The following CES5A variants were observed in gnomAD, a reference collection of about 807,000 sequenced individuals.
The protein encoded by CES5A is carboxylesterase 5.
A neutral mutation model predicts 62.9 loss-of-function variants in CES5A; 67 were observed. The ratio of observed to expected loss-of-function variants is 1.07; its 90% CI spans 0.88 to 1.31. The LOEUF is 1.31. Ranked by LOEUF, CES5A falls within the 50% of genes most tolerant of loss-of-function variation. The probability of loss-of-function intolerance (pLI) is 0.00; values close to 1 mark genes in which losing one functional copy is unlikely to be tolerated. For missense variants in CES5A, 748 were observed against 708.5 expected (o/e 1.06, Z -0.63); for synonymous variants, 296 against 280.8 (o/e 1.05, Z -0.54).
At position 55,950,449 on chromosome 16, in the gene CES5A, A is replaced by C. The variant is rs568928534; in HGVS notation, c.43-547T>G. 2.0e-5 allele frequency among the ~76,000 whole-genome samples: 3 copies of C among 152,344 alleles called. No homozygotes were observed. In the South Asian group the frequency reaches 6.2e-4, roughly 32 times the overall value. ...TCAGATGAAGGTCTTGGAAATTACA[A>C]ACTTGAGTACTGAAATTTTAAAAAA... On this transcript the variant is annotated intron_variant, in intron 1 of 13. Coordinates refer to the CES5A transcript ENST00000521992.
At chr16:55,919,048 A>C (rs2034175256) in intron 1 of CES5A, among the ~76,000 whole-genome samples, 1 of 151,802 alleles carries the variant, frequency 6.6e-6, no homozygotes, top group Non-Finnish European at 1.5e-5. Context: ...ATCCTACAGG[A>C]CCCCCTATCT....
chr16:55,853,059 A>G, intron 9 of CES5A, 31 bp from the exon 10 acceptor site: 5 of 1,611,668 alleles, frequency 3.1e-6, no homozygotes, highest in Non-Finnish European at 4.2e-6. Flanking sequence ...TAGGAGATCC[A>G]GGTCAACCAC....
chr16:55,903,573 A>T (rs2034011498), intron 1 of CES5A, among the ~76,000 whole-genome samples: 2 of 152,174 alleles, frequency 1.3e-5, no homozygotes, highest in Non-Finnish European at 2.9e-5. Context: ...ATCCACAGGG[A>T]TATAATGGCA....
intron 1 of CES5A, among the ~76,000 whole-genome samples, chr16:55,922,404 G>T (rs1171266926): frequency 2.6e-5 from 4 of 151,780 alleles, no homozygotes; most frequent in African/African-American, 9.7e-5. Context: ...ATACTTATAT[G>T]AGAAAAAATA....
At chr16:55,926,984 T>G (rs1275389742), upstream of CES5A, among the ~76,000 whole-genome samples, 1 of 152,194 alleles carries the variant, frequency 6.6e-6, no homozygotes, top group Non-Finnish European at 1.5e-5. Context: ...TGCTTCAGGA[T>G]CTTGATCTCA....
chr16:55,889,042 A>C (rs572007642), intron 1 of CES5A, among the ~76,000 whole-genome samples: 1 of 152,280 alleles, frequency 6.6e-6, no homozygotes, highest in South Asian at 2.1e-4. Flanking sequence ...TTTACTCAAA[A>C]GTAGCCTAGA....
chr16:55,865,288 T>A (rs1372789064), intron 5 of CES5A, among the ~76,000 whole-genome samples: 3 of 152,188 alleles, frequency 2.0e-5, no homozygotes, highest in Non-Finnish European at 4.4e-5. Context: ...TAGATATAGA[T>A]ATAGATATAT....
upstream of CES5A, among the ~76,000 whole-genome samples, chr16:55,875,549 C>A (rs566310692): frequency 1.7e-4 from 26 of 152,274 alleles, no homozygotes; most frequent in Admixed American, 8.5e-4. Context: ...GTTCTAGAGA[C>A]CCAAGGATGA....
At chr16:55,927,504 G>T (rs964829992), upstream of CES5A, among the ~76,000 whole-genome samples, 4 of 152,276 alleles carry the variant, frequency 2.6e-5, no homozygotes, top group Admixed American at 1.3e-4. Flanking sequence ...GCCAACAATA[G>T]TATGAAAACA....
At chr16:55,895,774 C>T (rs2033926069) in intron 1 of CES5A, among the ~76,000 whole-genome samples, 1 of 152,152 alleles carries the variant, frequency 6.6e-6, no homozygotes, top group Non-Finnish European at 1.5e-5. Context: ...AAGTGGAATG[C>T]TATGGTTTGG....
rs932700789 is a variant in CES5A at position 55,934,688 on chromosome 16, A to G, written c.160+15097T>C. 6.6e-5 allele frequency among the ~76,000 whole-genome samples: 10 copies of G among 151,614 alleles called. No homozygotes were observed. In the East Asian group the frequency reaches 1.5e-3, roughly 23 times the overall value. On this transcript the variant is annotated intron_variant, in intron 2 of 13. Coordinates refer to the CES5A transcript ENST00000521992. ...TGTGTGTGTGTGTGTGCGCGTGTGC[A>G]TGTGCACATGCATGCATGTGTGTCA...
chr16:55,905,176 C>A (rs77799319), intron 1 of CES5A, among the ~76,000 whole-genome samples: 2,170 of 152,204 alleles, frequency 0.014, 29 homozygotes, highest in Non-Finnish European at 0.022. Flanking sequence ...GCAGCAAAGT[C>A]CTGCCCTCCC....
chr16:55,860,650 A>C (rs112945098), intron 7 of CES5A, among the ~76,000 whole-genome samples: 75 of 152,316 alleles, frequency 4.9e-4, no homozygotes, highest in Middle Eastern at 6.8e-3. Flanking sequence ...TTTGGGTCTC[A>C]GAAAGCAACA....
chr16:55,898,240 C>A (rs1384830391), intron 1 of CES5A, among the ~76,000 whole-genome samples: 1 of 152,136 alleles, frequency 6.6e-6, no homozygotes, highest in Admixed American at 6.5e-5. Flanking sequence ...GTGGGTAATT[C>A]TCTAGTTCAT....
intron 2 of CES5A, among the ~76,000 whole-genome samples, chr16:55,934,062 C>A (rs1303251008): frequency 3.9e-5 from 6 of 152,150 alleles, no homozygotes; most frequent in Non-Finnish European, 8.8e-5. Flanking sequence ...ATCTCCTTCT[C>A]AATACTTTGC....
intron 5 of CES5A, 21 bp downstream of exon 5, chr16:55,865,942 A>G (rs2033447980): frequency 6.2e-7 from 1 of 1,613,828 alleles, no homozygotes; most frequent in Admixed American, 1.7e-5. Context: ...ATTCATTCAA[A>G]CCACAAAGCA....
At chr16:55,938,136 G>T (rs1459219805) in intron 2 of CES5A, among the ~76,000 whole-genome samples, 1 of 152,128 alleles carries the variant, frequency 6.6e-6, no homozygotes, top group African/African-American at 2.4e-5. Flanking sequence ...GGGAAAGAAG[G>T]GATGAACCAT....
chr16:55,866,668 A>G (rs2142404491), intron 4 of CES5A, among the ~76,000 whole-genome samples: 1 of 139,960 alleles, frequency 7.1e-6, no homozygotes, highest in African/African-American at 2.7e-5. Context: ...TAAAAAAAAA[A>G]AAAAAAAAAA....
chr16:55,887,318 A>G (rs867590518), intron 1 of CES5A, among the ~76,000 whole-genome samples: 6 of 150,990 alleles, frequency 4.0e-5, no homozygotes, highest in Non-Finnish European at 7.4e-5. Context: ...CAAAGAGTCC[A>G]CTGAACTTGA....
Sources: gnomAD v4.1 joint callset for allele counts (sites outside exome capture counted in the v4.1 genomes callset) on GRCh38, gnomAD v4.1.1 for gene constraint, MANE v1.5 for transcripts, NCBI Gene and HGNC (gene_info 2026-07-23, HGNC 2026-07-21) for gene names.